The following DOK5 variants were observed in gnomAD, a reference collection of about 807,000 sequenced individuals.
DOK5 encodes the protein downstream of tyrosine kinase 5.
A neutral mutation model predicts 43.3 loss-of-function variants in DOK5; 27 were observed. The observed-to-expected ratio is 0.62, with a 90% CI of 0.46 to 0.86. The LOEUF (loss-of-function observed/expected upper bound fraction) is 0.86. DOK5 is among the 40% of genes least tolerant of loss of function. DOK5 has a pLI of 0.00. For missense variants in DOK5, 373 were observed against 392.9 expected, an observed-to-expected ratio of 0.95 and a Z score of 0.43; for synonymous variants, 146 against 140.1, an observed-to-expected ratio of 1.04 and a Z score of -0.30.
rs115029975 is a variant in DOK5, at chr20:54,629,238, G to A, written c.736-14220G>A. Among the ~76,000 whole-genome samples the A allele has an allele frequency of 4.4e-3, 673 of 152,316 alleles. 8 individuals carry two copies. Among genetic ancestry groups the A allele is most frequent in the African/African-American group, 0.015 (608 of 41,560 alleles). ...ATAAGATTGCGCTTAGAGGAGTAAT[G>A]CACTTAACATATCCCTCAGTGCCTC... is the stretch of plus-strand genomic sequence containing the variant. On this transcript the variant is annotated intron_variant, in intron 6 of 7. Transcript: ENST00000262593.
At chr20:54,501,833 A>T (rs1008234531) in intron 1 of DOK5, among the ~76,000 whole-genome samples, 3 of 152,210 alleles carry the variant, frequency 2.0e-5, no homozygotes, top group Non-Finnish European at 4.4e-5. Context: ...ATTTCAATGA[A>T]CATTTTTAGT....
chr20:54,592,966 A>C (rs1986027887), intron 5 of DOK5, among the ~76,000 whole-genome samples: 1 of 143,646 alleles, frequency 7.0e-6, no homozygotes, highest in Admixed American at 6.7e-5. Flanking sequence ...TTGTAAAAGC[A>C]GACAGTTATT....
At chr20:54,625,541 C>A (rs1362362410) in intron 6 of DOK5, among the ~76,000 whole-genome samples, 1 of 152,220 alleles carries the variant, frequency 6.6e-6, no homozygotes, top group Non-Finnish European at 1.5e-5. Flanking sequence ...GTGTTATGAA[C>A]TGTAGCTCTG....
intron 1 of DOK5, among the ~76,000 whole-genome samples, chr20:54,530,836 C>T (rs931610802): frequency 5.3e-5 from 8 of 152,094 alleles, no homozygotes; most frequent in South Asian, 2.1e-4. Flanking sequence ...CCTGTACACC[C>T]ATTATTTCCC....
At chr20:54,519,404 T>C (rs978196192) in intron 1 of DOK5, among the ~76,000 whole-genome samples, 5 of 152,204 alleles carry the variant, frequency 3.3e-5, no homozygotes, top group Non-Finnish European at 7.3e-5. Flanking sequence ...TAAATTATAA[T>C]AGTTATTGAT....
intron 1 of DOK5, among the ~76,000 whole-genome samples, chr20:54,522,811 G>C (rs1160570964): frequency 6.6e-6 from 1 of 151,962 alleles, no homozygotes; most frequent in African/African-American, 2.4e-5. Context: ...CACCGCGCCT[G>C]GCCCAAAGTT....
chr20:54,568,465 G>A (rs930551940), intron 2 of DOK5, among the ~76,000 whole-genome samples: 4 of 152,190 alleles, frequency 2.6e-5, no homozygotes, highest in African/African-American at 7.2e-5. Flanking sequence ...TAGTTTTTCC[G>A]TTTGGGAGAA....
At chr20:54,645,256 GA>G (rs1451211651) in intron 7 of DOK5, among the ~76,000 whole-genome samples, 1 of 138,000 alleles carries the variant, frequency 7.2e-6, no homozygotes, top group Non-Finnish European at 1.6e-5. Context: ...TGCTCGCTCT[GA>G]ACCCTCAGTC....
intron 7 of DOK5, among the ~76,000 whole-genome samples, chr20:54,648,191 A>C (rs754243072): frequency 1.3e-5 from 2 of 152,062 alleles, no homozygotes; most frequent in Non-Finnish European, 2.9e-5. Context: ...TCTTCCATCC[A>C]TCCATTCTTT....
At chr20:54,609,953 G>T (rs967472028) in intron 5 of DOK5, among the ~76,000 whole-genome samples, 1 of 151,876 alleles carries the variant, frequency 6.6e-6, no homozygotes, top group Non-Finnish European at 1.5e-5. Context: ...AGCGAGAACA[G>T]AATCTAAGAG....
At chr20:54,629,084 C>T (rs955784890) in intron 6 of DOK5, among the ~76,000 whole-genome samples, 4 of 152,180 alleles carry the variant, frequency 2.6e-5, no homozygotes, top group Non-Finnish European at 5.9e-5. Context: ...GACTCTGCTG[C>T]TCTCCTTTGA....
At chr20:54,613,051 T>A (rs1986700083) in intron 6 of DOK5, among the ~76,000 whole-genome samples, 1 of 152,222 alleles carries the variant, frequency 6.6e-6, no homozygotes, top group Admixed American at 6.5e-5. Flanking sequence ...TTATTACTGT[T>A]GTTAATAGCT....
intron 1 of DOK5, among the ~76,000 whole-genome samples, chr20:54,490,232 AAGAT>A (rs1379706720): frequency 1.3e-5 from 2 of 152,230 alleles, no homozygotes; most frequent in South Asian, 2.1e-4. Context: ...TTTTACCTAA[AAGAT>A]AGGATAAATT....
chr20:54,555,298 T>C (rs997194750), intron 2 of DOK5: 1 of 402,544 alleles, frequency 2.5e-6, no homozygotes, highest in Non-Finnish European at 4.6e-6. Context: ...TATCATGTTG[T>C]TGTACTCCCT....
chr20:54,622,393 T>C (rs939365638), intron 6 of DOK5, among the ~76,000 whole-genome samples: 1 of 152,140 alleles, frequency 6.6e-6, no homozygotes, highest in Non-Finnish European at 1.5e-5. Flanking sequence ...TCTCAGCACT[T>C]CTGTTTCAGT....
chr20:54,610,542 C>A lies in DOK5; in HGVS notation c.735+19C>A, dbSNP rs977667122. ...CTCGATGGTACGTTTGGAATTTCTT[C>A]CTCGTGTCCCAGTGCCTATCACTGC... On this transcript the variant is annotated intron_variant, in intron 6 of 7. Coordinates refer to ENST00000262593, the MANE Select transcript of DOK5 (RefSeq NM_018431.5). 2 of 1,455,548 alleles carry A rather than the reference C, an allele frequency of 1.4e-6. No homozygotes were observed. Among genetic ancestry groups the A allele is most frequent in the African/African-American group, 2.9e-5 (2 of 69,898 alleles). 90.2% of individuals were successfully genotyped at this position (1,455,548 alleles called of 1,614,324 possible).
At chr20:54,528,788 G>A (rs565475796) in intron 1 of DOK5, among the ~76,000 whole-genome samples, 50 of 152,200 alleles carry the variant, frequency 3.3e-4, no homozygotes, top group African/African-American at 1.1e-3. Context: ...GATGAAGAGC[G>A]GGAACCCTTC....
chr20:54,582,737 A>G (rs189635675), intron 2 of DOK5, among the ~76,000 whole-genome samples: 131 of 151,738 alleles, frequency 8.6e-4, no homozygotes, highest in African/African-American at 3.1e-3. Flanking sequence ...CAGAAGTAGT[A>G]TCTCCTTTCA....
chr20:54,575,863 A>G (rs1289811990), intron 2 of DOK5, among the ~76,000 whole-genome samples: 1 of 152,250 alleles, frequency 6.6e-6, no homozygotes, highest in African/African-American at 2.4e-5. Flanking sequence ...ATTTATATAT[A>G]AAGAGAGGAT....
Sources: gnomAD v4.1 joint callset for allele counts (sites outside exome capture counted in the v4.1 genomes callset) on GRCh38, gnomAD v4.1.1 for gene constraint, MANE v1.5 for transcripts, NCBI Gene and HGNC (gene_info 2026-07-23, HGNC 2026-07-21) for gene names.